ASNS: variants seen among roughly 807,000 people sequenced by gnomAD.
ASNS encodes asparagine synthetase (glutamine-hydrolyzing).
In ASNS, 37 loss-of-function variants were observed where a neutral mutation model predicts 62.6. That is an observed-to-expected ratio of 0.59 (90% CI 0.45 to 0.78). The LOEUF (loss-of-function observed/expected upper bound fraction) is 0.78. Ranked by LOEUF, ASNS falls within the 30% of genes least tolerant of loss-of-function variation. The pLI is 0.00. For synonymous variants in ASNS, 207 were observed against 237.9 expected (o/e 0.87, Z 1.19); for missense variants, 520 against 682.4 (o/e 0.76, Z 2.65).
At chr7:97,924,397 C>T in the ASNS span, among the ~76,000 whole-genome samples, 15,829 of 152,294 alleles carry the variant, frequency 0.1, 1,341 homozygotes, top group East Asian at 0.28. Flanking sequence ...AGACACACCA[C>T]GTTCCAGTGG....
the ASNS span, among the ~76,000 whole-genome samples, chr7:97,890,300 C>T: frequency 2.0e-5 from 3 of 152,098 alleles, no homozygotes; most frequent in African/African-American, 7.2e-5. Context: ...TAACTGAAAA[C>T]TTCCTGAATG....
the ASNS span, among the ~76,000 whole-genome samples, chr7:97,880,789 C>T: frequency 1.2e-4 from 18 of 152,344 alleles, no homozygotes; most frequent in Admixed American, 1.0e-3. Flanking sequence ...AGGAGATTCT[C>T]AAACACAGCT....
the ASNS span, among the ~76,000 whole-genome samples, chr7:97,912,591 T>TTTTTTTTTTTTTTTC: frequency 3.8e-5 from 3 of 79,378 alleles, 1 homozygote; most frequent in African/African-American, 1.0e-4. Context: ...TTTTTTTTTT[T>TTTTTTTTTTTTTTTC]TTCTGTTTTC....
rs1791750508 is a variant in ASNS at position 97,862,118 on chromosome 7, T to A, written c.487+2141A>T. Among the ~76,000 whole-genome samples the A allele has an allele frequency of 4.1e-5, 5 of 122,266 alleles. No homozygotes were observed. The South Asian group carries it at 1.4e-3, about 35-fold the overall frequency. The allele number at this position is 122,266 out of a possible 152,430, so 80.2% of individuals were successfully genotyped here. A position where few individuals can be genotyped will look rare whatever the true frequency, so the allele number is the denominator to read the frequency against. ...GTAATAAAAAGACAAAATAACTCAA[T>A]TAGAAATGGGTAATTCAAGAATGGA... On this transcript the variant is annotated intron_variant, in intron 4 of 12. Transcript: ENST00000394308.
intron 3 of ASNS, among the ~76,000 whole-genome samples, chr7:97,865,877 A>G (rs1000350272): frequency 2.6e-5 from 4 of 152,266 alleles, no homozygotes; most frequent in African/African-American, 7.2e-5. Context: ...GCATGTGTAG[A>G]AAAGTTATAC....
At chr7:97,926,280 T>C in the ASNS span, among the ~76,000 whole-genome samples, 1 of 151,862 alleles carries the variant, frequency 6.6e-6, no homozygotes, top group Admixed American at 6.6e-5. Flanking sequence ...GAAAGAACAT[T>C]TTATCCTTAA....
chr7:97,856,838 C>A, intron 7 of ASNS, 22 bp from the exon 8 acceptor site: 1 of 1,567,532 alleles, frequency 6.4e-7, no homozygotes, highest in South Asian at 1.2e-5. Context: ...AAGAAATACC[C>A]ATTTACTTGT....
chr7:97,917,064 A>G, the ASNS span, among the ~76,000 whole-genome samples: 1 of 152,078 alleles, frequency 6.6e-6, no homozygotes, highest in African/African-American at 2.4e-5. Flanking sequence ...TTCACATGGG[A>G]ACTCATAAAT....
chr7:97,901,814 C>G, the ASNS span, among the ~76,000 whole-genome samples: 4 of 151,918 alleles, frequency 2.6e-5, no homozygotes. Flanking sequence ...CCCGTCTCTA[C>G]TAAAAATACA....
intron 9 of ASNS, chr7:97,854,975 CTTTTTTT>C: frequency 4.1e-6 from 1 of 244,348 alleles, no homozygotes; most frequent in Non-Finnish European, 7.6e-6. Flanking sequence ...TTATTTTTAA[CTTTTTTT>C]TTTTTTTTTT....
chr7:97,852,059 G>T lies in ASNS; in HGVS notation c.*200C>A. 1 of 607,750 alleles carries T rather than the reference G, an allele frequency of 1.6e-6. No individual in the cohort carries two copies. The highest frequency in any genetic ancestry group is 2.8e-6 in the Non-Finnish European group (1 of 353,800). The allele number at this position is 607,750 out of a possible 1,614,324, so 37.6% of individuals were successfully genotyped here. ...CCTAGCTTACCCTCCACTTTACTGT[G>T]ATACAGCAAAACAGTTCTAGTTACC... On this transcript the variant is annotated 3_prime_UTR_variant, in exon 13 of 13. Transcript: ENST00000394308.
chr7:97,927,936 C>T, the ASNS span: 41 of 625,204 alleles, frequency 6.6e-5, no homozygotes, highest in Middle Eastern at 4.3e-4. Flanking sequence ...GAGGGCTGCC[C>T]GTGCTGCCTA....
intron 3 of ASNS, among the ~76,000 whole-genome samples, chr7:97,866,096 G>C (rs1406647086): frequency 6.6e-6 from 1 of 152,192 alleles, no homozygotes; most frequent in Non-Finnish European, 1.5e-5. Flanking sequence ...ATAATAGGTT[G>C]CCTGGTTGCC....
At chr7:97,884,089 TG>T in the ASNS span, among the ~76,000 whole-genome samples, 1 of 152,046 alleles carries the variant, frequency 6.6e-6, no homozygotes, top group African/African-American at 2.4e-5. Context: ...GTGGGGAAGC[TG>T]GGACACAGAG....
the ASNS span, among the ~76,000 whole-genome samples, chr7:97,910,455 C>G: frequency 1.3e-5 from 2 of 152,164 alleles, no homozygotes; most frequent in Non-Finnish European, 1.5e-5. Flanking sequence ...TCATTCATGA[C>G]GATGGGCTTT....
chr7:97,907,404 C>G, the ASNS span, among the ~76,000 whole-genome samples: 2 of 152,152 alleles, frequency 1.3e-5, no homozygotes, highest in African/African-American at 4.8e-5. Flanking sequence ...TAGCACATGG[C>G]CTCTTCATGA....
At chr7:97,855,136 C>T (rs1311373543) in intron 9 of ASNS, 1 of 489,838 alleles carries the variant, frequency 2.0e-6, no homozygotes, top group African/African-American at 1.9e-5. Context: ...AGCCCTCATA[C>T]CCAGCTGTAA....
At chr7:97,902,507 C>G in the ASNS span, among the ~76,000 whole-genome samples, 1 of 152,010 alleles carries the variant, frequency 6.6e-6, no homozygotes. Context: ...AGCCCAGGAG[C>G]TTGAGACCAG....
chr7:97,886,644 A>G, the ASNS span, among the ~76,000 whole-genome samples: 3 of 152,042 alleles, frequency 2.0e-5, no homozygotes, highest in Non-Finnish European at 2.9e-5. Flanking sequence ...CAACTCCTTT[A>G]GTTAAAAACA....
Sources: gnomAD v4.1 joint callset for allele counts (sites outside exome capture counted in the v4.1 genomes callset) on GRCh38, gnomAD v4.1.1 for gene constraint, MANE v1.5 for transcripts, NCBI Gene and HGNC (gene_info 2026-07-23, HGNC 2026-07-21) for gene names.